Variants in TMEM117 observed in about 807,000 individuals in gnomAD.
TMEM117 encodes the protein transmembrane protein 117.
Under a neutral mutation model 52.4 loss-of-function variants are expected in TMEM117, and 27 were observed. The ratio of observed to expected loss-of-function variants is 0.51; its 90% CI spans 0.38 to 0.71. The LOEUF is 0.71. TMEM117 is among the 30% of genes least tolerant of loss of function. The pLI is 0.00. For missense variants in TMEM117, 556 were observed against 630.5 expected (o/e 0.88, Z 1.26); for synonymous variants, 215 against 206.3 (o/e 1.04, Z -0.36).
At chr12:44,340,555 CT>C (rs1159962831) in intron 6 of TMEM117, among the ~76,000 whole-genome samples, 2 of 152,082 alleles carry the variant, frequency 1.3e-5, no homozygotes, top group Non-Finnish European at 1.5e-5. Flanking sequence ...GCCCTTTCCT[CT>C]TAAAAATATA....
intron 3 of TMEM117, among the ~76,000 whole-genome samples, chr12:44,103,427 T>A (rs1947898257): frequency 6.6e-6 from 1 of 152,028 alleles, no homozygotes; most frequent in South Asian, 2.1e-4. Flanking sequence ...TAGGTTCAAT[T>A]TCTAACCCTT....
chr12:44,309,020 A>T (rs1053560751), intron 6 of TMEM117, among the ~76,000 whole-genome samples: 1 of 152,228 alleles, frequency 6.6e-6, no homozygotes, highest in Admixed American at 6.5e-5. Context: ...AACAAATTAC[A>T]AAAGAACTTT....
chr12:44,025,805 A>G (rs1208557864), intron 3 of TMEM117, among the ~76,000 whole-genome samples: 3 of 152,218 alleles, frequency 2.0e-5, no homozygotes, highest in Non-Finnish European at 4.4e-5. Flanking sequence ...TGTCAATTAC[A>G]TATGTGATAG....
intron 5 of TMEM117, among the ~76,000 whole-genome samples, chr12:44,224,897 C>T (rs1949840951): frequency 6.6e-6 from 1 of 152,096 alleles, no homozygotes. Context: ...TCCCAACCTC[C>T]CCAAAGCCGC....
At chr12:44,032,981 C>T (rs561177655) in intron 3 of TMEM117, among the ~76,000 whole-genome samples, 4 of 152,228 alleles carry the variant, frequency 2.6e-5, no homozygotes, top group Non-Finnish European at 4.4e-5. Context: ...TGGGACCTAC[C>T]GGGCTGCATT....
intron 2 of TMEM117, among the ~76,000 whole-genome samples, chr12:43,901,112 A>G (rs1055373441): frequency 3.3e-5 from 5 of 152,164 alleles, no homozygotes; most frequent in Non-Finnish European, 5.9e-5. Flanking sequence ...TTTTTTTGGA[A>G]AGACTCCTAG....
intron 3 of TMEM117, among the ~76,000 whole-genome samples, chr12:44,035,379 G>T (rs776017135): frequency 6.6e-6 from 1 of 152,112 alleles, no homozygotes; most frequent in South Asian, 2.1e-4. Context: ...TATTTATTGA[G>T]TGTTACTGTA....
rs544509848 is a variant in TMEM117, at chr12:44,083,380, G to T, written c.411-60145G>T. 2.7e-4 allele frequency among the ~76,000 whole-genome samples: 39 copies of T among 142,374 alleles called. No individual in the cohort carries two copies. The East Asian group carries it at 5.2e-3, about 19-fold the overall frequency. The allele number at this position is 142,374 out of a possible 152,430, so 93.4% of individuals were successfully genotyped here. On this transcript the variant is annotated intron_variant, in intron 3 of 7. Coordinates refer to ENST00000266534, the MANE Select transcript of TMEM117 (RefSeq NM_032256.3). ...ATATCCTCACTTAAATTTGTATTGG[G>T]TATTGTTAGTTTTTTTTTTTTTTTT...
intron 3 of TMEM117, among the ~76,000 whole-genome samples, chr12:44,106,890 T>C (rs1426245224): frequency 6.6e-6 from 1 of 152,068 alleles, no homozygotes; most frequent in Non-Finnish European, 1.5e-5. Flanking sequence ...ATATTTCCTA[T>C]GTAAAACAGA....
intron 2 of TMEM117, among the ~76,000 whole-genome samples, chr12:43,847,920 C>T (rs1278341045): frequency 3.3e-5 from 5 of 152,140 alleles, no homozygotes; most frequent in African/African-American, 7.2e-5. Flanking sequence ...AGGAATTTTA[C>T]AGCTGGGCCG....
chr12:44,391,377 A>G (rs1428355891), downstream of TMEM117, among the ~76,000 whole-genome samples: 1 of 152,180 alleles, frequency 6.6e-6, no homozygotes, highest in Non-Finnish European at 1.5e-5. Flanking sequence ...ATCTTTTAGC[A>G]TAGCTGAGAT....
At chr12:43,827,026 T>A in the TMEM117 span, among the ~76,000 whole-genome samples, 3 of 151,442 alleles carry the variant, frequency 2.0e-5, no homozygotes, top group African/African-American at 7.3e-5. Context: ...TATTCAAATA[T>A]AGAAAAAAAT....
chr12:43,963,568 C>G (rs1299910288), intron 3 of TMEM117, among the ~76,000 whole-genome samples: 6 of 152,164 alleles, frequency 3.9e-5, no homozygotes, highest in African/African-American at 1.2e-4. Context: ...TCAGCTCTAG[C>G]TGTAGTTTAA....
At chr12:44,307,389 C>A (rs565505905) in intron 6 of TMEM117, among the ~76,000 whole-genome samples, 1 of 152,160 alleles carries the variant, frequency 6.6e-6, no homozygotes, top group Admixed American at 6.5e-5. Flanking sequence ...TCTATAACTT[C>A]TTCAAACTAT....
rs17094127 is a variant in TMEM117 at position 44,120,873 on chromosome 12, G to C, written c.411-22652G>C. The stretch of plus-strand genomic sequence containing the variant: ...TGGAGGCCACCTGTTCACAAGTAAT[G>C]AGTCATTTCAATTAAAGATTTTATG... On this transcript the variant is annotated intron_variant, in intron 3 of 7. Transcript: ENST00000266534. Among the ~76,000 whole-genome samples, 294 of 152,276 alleles carry C rather than the reference G, an allele frequency of 1.9e-3. 7 individuals carry two copies. In the East Asian group the frequency reaches 0.035, roughly 18 times the overall value.
chr12:44,166,302 C>T (rs1347796320), intron 4 of TMEM117, among the ~76,000 whole-genome samples: 4 of 152,158 alleles, frequency 2.6e-5, no homozygotes, highest in African/African-American at 9.7e-5. Context: ...CCAGTGACAT[C>T]CTCTCAAGGA....
chr12:44,329,210 G>A (rs764986811), intron 6 of TMEM117, among the ~76,000 whole-genome samples: 1 of 152,066 alleles, frequency 6.6e-6, no homozygotes, highest in Non-Finnish European at 1.5e-5. Flanking sequence ...TAATCACAGT[G>A]CAAACATACA....
chr12:43,806,436 G>C, the TMEM117 span: 1 of 1,112,960 alleles, frequency 9.0e-7, no homozygotes, highest in East Asian at 4.7e-5. Flanking sequence ...TGGCCGCCGG[G>C]CTGCGGTCCA....
chr12:44,211,467 A>G (rs1445371042), intron 5 of TMEM117, 80 bp downstream of exon 5: 8 of 975,958 alleles, frequency 8.2e-6, no homozygotes, highest in African/African-American at 1.7e-5. Context: ...TTTCCTTACA[A>G]TTATAGAATT....
Sources: gnomAD v4.1 joint callset for allele counts (sites outside exome capture counted in the v4.1 genomes callset) on GRCh38, gnomAD v4.1.1 for gene constraint, MANE v1.5 for transcripts, NCBI Gene and HGNC (gene_info 2026-07-23, HGNC 2026-07-21) for gene names.